The following SLC37A3 variants were observed in gnomAD, a reference collection of about 807,000 sequenced individuals.
The protein encoded by SLC37A3 is solute carrier family 37 member 3.
Under a neutral mutation model 67.1 loss-of-function variants are expected in SLC37A3, and 51 were observed. That is an observed-to-expected ratio of 0.76 (90% CI 0.61 to 0.96). The LOEUF (loss-of-function observed/expected upper bound fraction) is 0.96. Ranked by LOEUF, SLC37A3 falls within the 40% of genes least tolerant of loss-of-function variation. The probability of loss-of-function intolerance (pLI) is 0.00; values close to 1 mark genes in which losing one functional copy is unlikely to be tolerated. For missense variants in SLC37A3, 508 were observed against 603.0 expected, an observed-to-expected ratio of 0.84 and a Z score of 1.65; for synonymous variants, 214 against 231.4, an observed-to-expected ratio of 0.92 and a Z score of 0.68.
At chr7:140,378,542 C>T (rs1417023350) in intron 3 of SLC37A3, among the ~76,000 whole-genome samples, 5 of 152,078 alleles carry the variant, frequency 3.3e-5, no homozygotes, top group African/African-American at 1.2e-4. Flanking sequence ...TCAAGACCAT[C>T]CTGGCCAACA....
chr7:140,344,493 C>T (rs866944499), intron 12 of SLC37A3, among the ~76,000 whole-genome samples: 38 of 151,262 alleles, frequency 2.5e-4, no homozygotes, highest in Admixed American at 1.7e-3. Flanking sequence ...TGGTGGCTCA[C>T]GCCTGTAATC....
chr7:140,352,088 C>T lies in SLC37A3; in HGVS notation c.677G>A (p.Gly226Glu), dbSNP rs1351597983. The change falls in exon 8 of 15, where the codon GGA becomes GAA. Residue 226 changes from glycine (G) to glutamate (E), a missense_variant. Coordinates refer to ENST00000326232, the MANE Select transcript of SLC37A3 (RefSeq NM_207113.3). ...QFAGGIVIFF[G>E]LLVSPEEIGL... ...AATTTCTTCTGGTGACACCAGGAGT[C>T]CAAAGAAGATAACGATCCCACCAGC... The T allele has an allele frequency of 5.6e-6, 9 of 1,612,782 alleles. No individual in the cohort carries two copies. Among genetic ancestry groups the T allele is most frequent in the Non-Finnish European group, 7.6e-6 (9 of 1,179,694 alleles).
chr7:140,341,609 C>A (rs893521978), intron 13 of SLC37A3, among the ~76,000 whole-genome samples: 1 of 152,122 alleles, frequency 6.6e-6, no homozygotes, highest in Non-Finnish European at 1.5e-5. Flanking sequence ...ATTCAAAACT[C>A]AACATGGAAG....
chr7:140,335,582 G>A, intron 14 of SLC37A3, 78 bp from the exon 15 acceptor site: 1 of 1,487,878 alleles, frequency 6.7e-7, no homozygotes, highest in Non-Finnish European at 9.2e-7. Context: ...CATAATAATG[G>A]ATTTGGACAA....
Position 140,380,391 on chromosome 7 carries a change from C to G in SLC37A3, c.90-1G>C. On this transcript the variant is annotated splice_acceptor_variant, in intron 2 of 14. Coordinates refer to ENST00000326232, the MANE Select transcript of SLC37A3 (RefSeq NM_207113.3). LOFTEE classifies it high-confidence loss of function. Reference sequence around the variant, plus strand: ...TCGTGAAGCATGGAGCAACGAATAACTACAAAATAGAGAGAATACAGATGA... The same window carrying G: ...TCGTGAAGCATGGAGCAACGAATAAGTACAAAATAGAGAGAATACAGATGA... 1 of 1,604,956 alleles carries G rather than the reference C, an allele frequency of 6.2e-7. No individual in the cohort carries two copies. Among genetic ancestry groups the G allele is most frequent in the Non-Finnish European group, 8.5e-7 (1 of 1,172,216 alleles).
In SLC37A3 at chr7:140,335,326, C is replaced by A. The variant is rs983422087; in HGVS notation, c.*86G>T. On this transcript the variant is annotated 3_prime_UTR_variant, in exon 15 of 15. Coordinates refer to ENST00000326232, the MANE Select transcript of SLC37A3 (RefSeq NM_207113.3). ...GACAATCCAAGATCAGGCTGGAGCTCCTAGACAAACCCAAATTAGGGCAGA... is the reference window on the plus strand; with the variant it reads ...GACAATCCAAGATCAGGCTGGAGCTACTAGACAAACCCAAATTAGGGCAGA... The A allele has an allele frequency of 4.3e-6, 7 of 1,614,172 alleles. 1 individual carries two copies. The Middle Eastern group carries it at 9.9e-4, about 228-fold the overall frequency.
chr7:140,396,250 C>A (rs117458255), intron 1 of SLC37A3, among the ~76,000 whole-genome samples: 1,649 of 152,144 alleles, frequency 0.011, 22 homozygotes, highest in African/African-American at 0.031. Flanking sequence ...AAATTCCTGG[C>A]CTTAAGAGAT....
intron 3 of SLC37A3, among the ~76,000 whole-genome samples, chr7:140,373,044 C>T (rs780386231): frequency 1.3e-5 from 2 of 152,090 alleles, no homozygotes; most frequent in Admixed American, 6.6e-5. Flanking sequence ...CTCCGCCTAT[C>T]GGGTTCAAGC....
intron 8 of SLC37A3, 43 bp downstream of exon 8, chr7:140,352,019 T>A: frequency 6.4e-7 from 1 of 1,565,742 alleles, no homozygotes; most frequent in Admixed American, 1.8e-5. Context: ...CTTTCGGCCA[T>A]AATAGTAAGA....
intron 1 of SLC37A3, among the ~76,000 whole-genome samples, chr7:140,388,158 C>T (rs1214170528): frequency 6.6e-6 from 1 of 151,524 alleles, no homozygotes; most frequent in Non-Finnish European, 1.5e-5. Flanking sequence ...TCTGGACAGA[C>T]ATGGTGGCTC....
Position 140,382,590 on chromosome 7 carries a change from C to T in SLC37A3, c.-64G>A. On this transcript the variant is annotated 5_prime_UTR_variant, in exon 2 of 15. Transcript: ENST00000326232. ...TTTGGATGAGTGATTTACATCATTT[C>T]TTCCTTCTGGAAAGACAAAACACAT... 7.1e-7 allele frequency: 1 copy of T among 1,417,848 alleles called. No homozygotes were observed. The highest frequency in any genetic ancestry group is 9.9e-7 in the Non-Finnish European group (1 of 1,007,640). 87.8% of individuals were successfully genotyped at this position (1,417,848 alleles called of 1,614,324 possible). A position where few individuals can be genotyped will look rare whatever the true frequency, so the allele number is the denominator to read the frequency against.
chr7:140,333,993 T>C lies in SLC37A3; in HGVS notation c.*1419A>G, dbSNP rs1796041015. ...GTTTGCTTGCATAATTTAAAATATG[T>C]ATATACAGAATGATCTTAAAATATT... is the stretch of plus-strand genomic sequence containing the variant. On this transcript the variant is annotated 3_prime_UTR_variant, in exon 15 of 15. Transcript: ENST00000326232. 1 of 152,452 alleles carries C rather than the reference T, an allele frequency of 6.6e-6. No homozygotes were observed. The allele number at this position is 152,452 out of a possible 1,614,324, so 9.4% of individuals were successfully genotyped here.
intron 1 of SLC37A3, among the ~76,000 whole-genome samples, chr7:140,387,152 T>G (rs1798485235): frequency 6.6e-6 from 1 of 151,964 alleles, no homozygotes; most frequent in Non-Finnish European, 1.5e-5. Flanking sequence ...CAAAATCGAG[T>G]ACATTGTCAT....
At chr7:140,364,591 A>T (rs1239752402) in intron 4 of SLC37A3, 100 bp from the exon 5 acceptor site, 1 of 1,126,882 alleles carries the variant, frequency 8.9e-7, no homozygotes, top group Non-Finnish European at 1.3e-6. Context: ...GATATTATTT[A>T]AAATTAACTC....
intron 4 of SLC37A3, among the ~76,000 whole-genome samples, chr7:140,365,218 T>C (rs183244644): frequency 6.6e-6 from 1 of 152,304 alleles, no homozygotes; most frequent in Admixed American, 6.5e-5. Flanking sequence ...CAGCACACTT[T>C]AGGTTTCTTC....
At chr7:140,382,638 C>G in intron 1 of SLC37A3, 42 bp from the exon 2 acceptor site, 1 of 868,898 alleles carries the variant, frequency 1.2e-6, no homozygotes, top group Non-Finnish European at 1.8e-6. Flanking sequence ...TAAACATAGG[C>G]AGAGTATCCA....
chr7:140,339,743 G>GC (rs1554417866), intron 13 of SLC37A3, among the ~76,000 whole-genome samples: 1 of 139,890 alleles, frequency 7.1e-6, no homozygotes, highest in Admixed American at 7.2e-5. Context: ...TTTCCTGTTT[G>GC]TTTTTTTTTT....
intron 1 of SLC37A3, among the ~76,000 whole-genome samples, 168 bp from the exon 2 acceptor site, chr7:140,382,764 T>G (rs1391587195): frequency 6.9e-6 from 1 of 144,380 alleles, no homozygotes; most frequent in African/African-American, 2.7e-5. Flanking sequence ...AGCTATTAGG[T>G]AGTTCTTAAA....
intron 3 of SLC37A3, among the ~76,000 whole-genome samples, chr7:140,373,677 CT>C (rs59193678): frequency 0.33 from 44,726 of 135,620 alleles, 6,182 homozygotes; most frequent in Middle Eastern, 0.43. Context: ...CTTTTTTTTT[CT>C]TTTTTTTTTT....
Sources: allele counts gnomAD v4.1 joint callset (sites outside exome capture counted in the v4.1 genomes callset), GRCh38; gene constraint gnomAD v4.1.1; transcripts MANE v1.5; gene names NCBI Gene and HGNC (gene_info 2026-07-23, HGNC 2026-07-21).